RNF150: variants seen among roughly 807,000 people sequenced by gnomAD.
RNF150 encodes the protein ring finger protein 150.
Under a neutral mutation model 39.3 loss-of-function variants are expected in RNF150, and 24 were observed. That is an observed-to-expected ratio of 0.61 (90% confidence interval 0.44 to 0.86). The LOEUF is 0.86. Ranked by LOEUF, RNF150 falls within the 40% of genes least tolerant of loss-of-function variation. The pLI is 0.00. For synonymous variants in RNF150, 255 were observed against 227.3 expected, an observed-to-expected ratio of 1.12 and a Z score of -1.10; for missense variants, 502 against 587.8, an observed-to-expected ratio of 0.85 and a Z score of 1.51.
chr4:140,962,654 TC>T (rs1469135791), intron 2 of RNF150, among the ~76,000 whole-genome samples: 1 of 151,916 alleles, frequency 6.6e-6, no homozygotes, highest in Non-Finnish European at 1.5e-5. Context: ...TAAGCAGTCA[TC>T]AAAGAATCTA....
At chr4:140,885,201 C>CTT (rs752444379) in intron 6 of RNF150, among the ~76,000 whole-genome samples, 1,552 of 129,102 alleles carry the variant, frequency 0.012, 69 homozygotes, top group African/African-American at 0.042. Context: ...CAACATCAGT[C>CTT]TTTTTTTTTT....
At chr4:140,912,239 T>G (rs546151086) in intron 5 of RNF150, among the ~76,000 whole-genome samples, 1 of 152,244 alleles carries the variant, frequency 6.6e-6, no homozygotes, top group Non-Finnish European at 1.5e-5. Context: ...TATATTTCTA[T>G]CTCTTCCACA....
intron 1 of RNF150, among the ~76,000 whole-genome samples, chr4:141,165,438 C>T (rs1197899593): frequency 1.3e-5 from 2 of 152,236 alleles, no homozygotes; most frequent in South Asian, 2.1e-4. Flanking sequence ...CAGCTCTGGA[C>T]CAAGCAGACC....
At chr4:141,026,810 A>G (rs1408918001) in intron 1 of RNF150, among the ~76,000 whole-genome samples, 2 of 152,218 alleles carry the variant, frequency 1.3e-5, no homozygotes, top group African/African-American at 4.8e-5. Context: ...AAATGGCAAG[A>G]TGTAAAGTTG....
chr4:141,083,119 A>T (rs1004529333), intron 1 of RNF150, among the ~76,000 whole-genome samples: 12 of 152,374 alleles, frequency 7.9e-5, no homozygotes, highest in Admixed American at 2.0e-4. Flanking sequence ...CATGAAAGGC[A>T]TACTCCAAAT....
At chr4:141,193,545 C>A (rs1407266960) in intron 1 of RNF150, among the ~76,000 whole-genome samples, 1 of 152,184 alleles carries the variant, frequency 6.6e-6, no homozygotes, top group Non-Finnish European at 1.5e-5. Flanking sequence ...GATATGGTAG[C>A]AAGAAAGACA....
At chr4:140,972,037 A>C (rs926954177) in intron 1 of RNF150, among the ~76,000 whole-genome samples, 1 of 152,144 alleles carries the variant, frequency 6.6e-6, no homozygotes, top group African/African-American at 2.4e-5. Flanking sequence ...GACAAAAAAA[A>C]AAATTTATAT....
At chr4:141,084,977 G>C (rs1481413159) in intron 1 of RNF150, among the ~76,000 whole-genome samples, 9 of 152,190 alleles carry the variant, frequency 5.9e-5, no homozygotes, top group Non-Finnish European at 1.3e-4. Context: ...CTGAGGGTTA[G>C]ACCATAAAAA....
intron 1 of RNF150, among the ~76,000 whole-genome samples, chr4:140,987,432 G>T (rs1734052532): frequency 6.6e-6 from 1 of 151,946 alleles, no homozygotes; most frequent in Non-Finnish European, 1.5e-5. Flanking sequence ...CAGACCAATA[G>T]AATAAAATAG....
At chr4:141,114,206 T>C (rs1039572472) in intron 1 of RNF150, among the ~76,000 whole-genome samples, 3 of 151,986 alleles carry the variant, frequency 2.0e-5, no homozygotes, top group Admixed American at 1.3e-4. Flanking sequence ...TCAAAAAAAA[T>C]TGATGAATCC....
In RNF150 at chr4:141,078,789, CAAAA is replaced by C. The variant is rs150748282; in HGVS notation, c.484+53532_484+53535del. Among the ~76,000 whole-genome samples, 285 of 63,798 alleles carry C rather than the reference CAAAA, an allele frequency of 4.5e-3. 1 individual carries two copies. Among genetic ancestry groups the C allele is most frequent in the South Asian group, 0.037 (50 of 1,354 alleles). 41.9% of individuals were successfully genotyped at this position (63,798 alleles called of 152,430 possible). A position where few individuals can be genotyped will look rare whatever the true frequency, so the allele number is the denominator to read the frequency against. ...TGGGCGACAGAGCGAAACTCCGTCT[CAAAA>C]AAAAAAAAAAAAAAAATATATATAT... On this transcript the variant is annotated intron_variant, in intron 1 of 6. Transcript: ENST00000515673.
intron 1 of RNF150, among the ~76,000 whole-genome samples, chr4:141,122,275 AT>A (rs1726627719): frequency 6.6e-6 from 1 of 152,184 alleles, no homozygotes; most frequent in African/African-American, 2.4e-5. Context: ...AATCATGATG[AT>A]TCTATCTCTG....
intron 6 of RNF150, among the ~76,000 whole-genome samples, chr4:140,881,166 C>CT (rs540364079): frequency 0.011 from 1,562 of 138,634 alleles, 20 homozygotes; most frequent in African/African-American, 0.026. Flanking sequence ...TTCCTTTGTA[C>CT]TTTTTTTTTT....
At chr4:141,149,503 T>C (rs1393574139) in intron 1 of RNF150, among the ~76,000 whole-genome samples, 1 of 152,230 alleles carries the variant, frequency 6.6e-6, no homozygotes, top group Non-Finnish European at 1.5e-5. Context: ...TTTCCATTCC[T>C]GAGTTACTTC....
At chr4:140,924,181 C>A (rs1731288287) in intron 5 of RNF150, among the ~76,000 whole-genome samples, 1 of 152,134 alleles carries the variant, frequency 6.6e-6, no homozygotes, top group Non-Finnish European at 1.5e-5. Context: ...TCTGACAGTT[C>A]ATTGTGCAAA....
intron 1 of RNF150, among the ~76,000 whole-genome samples, chr4:140,975,189 G>A (rs1300175314): frequency 2.0e-5 from 3 of 152,126 alleles, no homozygotes; most frequent in Non-Finnish European, 2.9e-5. Context: ...CTGGTAGGTC[G>A]AGGAGCCCGC....
In RNF150 at chr4:140,961,617, A is replaced by G. The variant is rs538073287; in HGVS notation, c.735+6006T>C. Among the ~76,000 whole-genome samples the G allele has an allele frequency of 3.3e-5, 5 of 152,282 alleles. No individual in the cohort carries two copies. The East Asian group carries it at 9.7e-4, about 29-fold the overall frequency. On this transcript the variant is annotated intron_variant, in intron 2 of 6. Transcript: ENST00000515673. ...TGTTGAATGGAGTGGAACACTGGCCATTAAAGCAGAAATATTTTTCTAAGG... is the reference window on the plus strand; with the variant it reads ...TGTTGAATGGAGTGGAACACTGGCCGTTAAAGCAGAAATATTTTTCTAAGG...
At position 141,060,967 on chromosome 4, in the gene RNF150, A is replaced by G. The variant is rs376446015; in HGVS notation, c.484+71358T>C. Among the ~76,000 whole-genome samples, 51 of 152,262 alleles carry G rather than the reference A, an allele frequency of 3.3e-4. 2 individuals carry two copies. The highest frequency in any genetic ancestry group is 2.3e-3 in the East Asian group (12 of 5,174). The stretch of plus-strand genomic sequence containing the variant: ...AACACATGGACACAGGGAGGGGAAC[A>G]TCACACACTGGGGCCTTTTGCGGGG... On this transcript the variant is annotated intron_variant, in intron 1 of 6. Transcript: ENST00000515673.
chr4:140,965,868 A>G (rs557126565), intron 2 of RNF150, among the ~76,000 whole-genome samples: 1 of 152,220 alleles, frequency 6.6e-6, no homozygotes, highest in South Asian at 2.1e-4. Context: ...ACTGTATTGT[A>G]TTAGAAATTT....
Sources: allele counts gnomAD v4.1 joint callset (sites outside exome capture counted in the v4.1 genomes callset), GRCh38; gene constraint gnomAD v4.1.1; transcripts MANE v1.5; gene names NCBI Gene and HGNC (gene_info 2026-07-23, HGNC 2026-07-21).